The following SLC7A13 variants were observed in gnomAD, a reference collection of about 807,000 sequenced individuals.
SLC7A13 encodes X-amino acid transporter 2.
SLC7A13 carries 31 observed loss-of-function variants against 32.0 expected under a neutral mutation model. The ratio of observed to expected loss-of-function variants is 0.97; its 90% CI spans 0.73 to 1.31. The LOEUF is 1.31. Among genes scored for constraint, SLC7A13 ranks in the 50% most tolerant of loss-of-function variants. The probability of loss-of-function intolerance (pLI) is 0.00; values close to 1 mark genes in which losing one functional copy is unlikely to be tolerated. For synonymous variants in SLC7A13, 232 were observed against 206.9 expected (o/e 1.12, Z -1.04); for missense variants, 633 against 546.9 (o/e 1.16, Z -1.57).
chr8:86,222,686 TGA>T, intron 2 of SLC7A13, among the ~76,000 whole-genome samples: 1 of 152,094 alleles, frequency 6.6e-6, no homozygotes, highest in East Asian at 1.9e-4. Context: ...GTCACTCTAG[TGA>T]GATGAGATCA....
chr8:86,227,898 G>A (rs1012764492), intron 1 of SLC7A13, among the ~76,000 whole-genome samples: 2 of 152,092 alleles, frequency 1.3e-5, no homozygotes, highest in African/African-American at 4.8e-5. Flanking sequence ...AGTACACATG[G>A]ATATACAGAG....
intron 3 of SLC7A13, among the ~76,000 whole-genome samples, chr8:86,217,224 G>T (rs995758214): frequency 6.6e-6 from 1 of 152,002 alleles, no homozygotes. Context: ...ATAATGATCT[G>T]TCCAACCACC....
chr8:86,227,207 A>C (rs1192802851), intron 1 of SLC7A13, among the ~76,000 whole-genome samples: 4 of 152,204 alleles, frequency 2.6e-5, no homozygotes, highest in Admixed American at 6.5e-5. Context: ...GGCTACTCAA[A>C]TGATTTCACA....
chr8:86,214,756 C>T (rs866264494), intron 3 of SLC7A13, 110 bp from the exon 4 acceptor site: 2 of 765,744 alleles, frequency 2.6e-6, no homozygotes, highest in Middle Eastern at 2.4e-4. Flanking sequence ...AGAAAACAGG[C>T]TAAATTAGCT....
At position 86,230,199 on chromosome 8, in the gene SLC7A13, T is replaced by G. The variant is rs766494543; in HGVS notation, c.79A>C (p.Ile27Leu). 7.4e-6 allele frequency: 12 copies of G among 1,613,846 alleles called. No homozygotes were observed. Among genetic ancestry groups the G allele is most frequent in the Non-Finnish European group, 9.3e-6 (11 of 1,179,928 alleles). ...WGTSFLLINI[I>L]GAGIFVSPKG... ...GGGGACACAAAAATTCCTGCACCAA[T>G]GATATTAATAAGCAAAAAACTTGTG... The change falls in exon 1 of 4, where the codon ATT becomes CTT. Residue 27 changes from isoleucine (I) to leucine (L), a missense_variant. Coordinates refer to ENST00000297524, the MANE Select transcript of SLC7A13 (RefSeq NM_138817.3).
chr8:86,215,722 TTC>T (rs1820170694), intron 3 of SLC7A13: 2 of 435,200 alleles, frequency 4.6e-6, no homozygotes, highest in Non-Finnish European at 9.1e-6. Context: ...AAAGAATCTC[TTC>T]TTAGCTTATA....
chr8:86,228,928 A>C (rs1288439919), intron 1 of SLC7A13, among the ~76,000 whole-genome samples: 1 of 151,964 alleles, frequency 6.6e-6, no homozygotes, highest in Non-Finnish European at 1.5e-5. Context: ...TAATCCTCCC[A>C]TTTCAGCCTC....
In SLC7A13 at chr8:86,230,025, T is replaced by TGAGAAAATA. The variant is rs766558033; in HGVS notation, c.244_252dup (p.Tyr82_Leu84dup). 3.1e-6 allele frequency: 5 copies of TGAGAAAATA among 1,614,046 alleles called. No homozygotes were observed. The highest frequency in any genetic ancestry group is 4.2e-6 in the Non-Finnish European group (5 of 1,180,030). On this transcript the variant is annotated inframe_insertion, in exon 1 of 4. Transcript: ENST00000297524. Reference sequence around the variant, plus strand: ...GCAACCGTGGAGCCAAAGTATCTCTTGAGAAAATAGTATTGAGCTCCACTG... The same window carrying TGAGAAAATA: ...GCAACCGTGGAGCCAAAGTATCTCTTGAGAAAATAGAGAAAATAGTATTGAGCTCCACTG...
At chr8:86,224,741 TG>T (rs1393645106) in intron 1 of SLC7A13, among the ~76,000 whole-genome samples, 1 of 152,178 alleles carries the variant, frequency 6.6e-6, no homozygotes, top group Non-Finnish European at 1.5e-5. Flanking sequence ...TCCGATCCAC[TG>T]GAAGCCAATG....
At chr8:86,228,484 C>T (rs901862529) in intron 1 of SLC7A13, among the ~76,000 whole-genome samples, 3 of 152,150 alleles carry the variant, frequency 2.0e-5, no homozygotes, top group African/African-American at 7.2e-5. Context: ...AAGCGATCCT[C>T]CCACCTCAGC....
Position 86,230,358 on chromosome 8 carries a change from G to T in SLC7A13, c.-81C>A. On this transcript the variant is annotated 5_prime_UTR_variant, in exon 1 of 4. Coordinates refer to ENST00000297524, the MANE Select transcript of SLC7A13 (RefSeq NM_138817.3). ...CTATGTAGCTGCAAAGGATGTTGAT[G>T]GATTCCTGAAATAAAATAATTCTGT... is the stretch of plus-strand genomic sequence containing the variant. The T allele has an allele frequency of 1.6e-6, 2 of 1,230,100 alleles. No homozygotes were observed. The highest frequency in any genetic ancestry group is 1.8e-5 in the South Asian group (1 of 56,600). The allele number at this position is 1,230,100 out of a possible 1,614,324, so 76.2% of individuals were successfully genotyped here. A position where few individuals can be genotyped will look rare whatever the true frequency, so the allele number is the denominator to read the frequency against.
chr8:86,230,200 G>T lies in SLC7A13; in HGVS notation c.78C>A (p.Ile26=). ...WWGTSFLLIN[I]IGAGIFVSPK... ...GGGACACAAAAATTCCTGCACCAAT[G>T]ATATTAATAAGCAAAAAACTTGTGC... The change falls in exon 1 of 4, where the codon ATC becomes ATA. Residue 26 remains isoleucine (I), a synonymous_variant. Transcript: ENST00000297524. 1 of 1,613,982 alleles carries T rather than the reference G, an allele frequency of 6.2e-7. No individual in the cohort carries two copies. Among genetic ancestry groups the T allele is most frequent in the Non-Finnish European group, 8.5e-7 (1 of 1,179,990 alleles).
chr8:86,226,424 A>T (rs1416992857), intron 1 of SLC7A13, among the ~76,000 whole-genome samples: 1 of 152,160 alleles, frequency 6.6e-6, no homozygotes, highest in Non-Finnish European at 1.5e-5. Context: ...GACTTCTTAC[A>T]TTATCAATGA....
Position 86,229,738 on chromosome 8 carries a change from C to G in SLC7A13, c.540G>C (p.Val180=). The change falls in exon 1 of 4, where the codon GTG becomes GTC. Residue 180 remains valine, a synonymous_variant. Coordinates refer to ENST00000297524, the MANE Select transcript of SLC7A13 (RefSeq NM_138817.3). ...ILSFISLTGV[V]FLIRGKKENV... ...TCTCCTTTTTCCCTCTTATCAGGAA[C>G]ACTACTCCAGTTAGGGAAATGAAGC... 6.2e-7 allele frequency: 1 copy of G among 1,614,202 alleles called. No homozygotes were observed. The highest frequency in any genetic ancestry group is 8.5e-7 in the Non-Finnish European group (1 of 1,180,030).
chr8:86,222,900 T>G (rs1820323157), intron 2 of SLC7A13, 72 bp downstream of exon 2: 16 of 1,408,258 alleles, frequency 1.1e-5, no homozygotes, highest in Non-Finnish European at 1.5e-5. Context: ...ACAGTGGTTC[T>G]GACTGGTGAA....
In SLC7A13 at chr8:86,214,456, T is replaced by C. The variant is rs565451049; in HGVS notation, c.1370A>G (p.Gln457Arg). The change falls in exon 4 of 4, where the codon CAA becomes CGA. Residue 457 changes from glutamine to arginine, a missense_variant. Physicochemically the swap from Gln to Arg is conservative, Grantham distance 43. Transcript: ENST00000297524. ...AGGGAGGCAAATATTAAATAGTAAT[T>C]GTAAATAGCAAGTCATCTTCTCAAA... ...AWFEKMTCYL[Q>R]LLFNICLPDV... 102 of 1,610,682 alleles carry C rather than the reference T, an allele frequency of 6.3e-5. No individual in the cohort carries two copies. The highest frequency in any genetic ancestry group is 8.4e-5 in the Non-Finnish European group (99 of 1,178,418).
At chr8:86,221,288 T>C (rs1437470127) in intron 2 of SLC7A13, among the ~76,000 whole-genome samples, 1 of 152,062 alleles carries the variant, frequency 6.6e-6, no homozygotes, top group Non-Finnish European at 1.5e-5. Flanking sequence ...TCCCATAAAT[T>C]TTTTATTTGT....
At position 86,230,103 on chromosome 8, in the gene SLC7A13, G is replaced by C; in HGVS notation, c.175C>G (p.Leu59Val). Reference protein sequence around the residue: ...SLCVWAGCAILAMTSTLCSAE... With the variant: ...SLCVWAGCAIVAMTSTLCSAE... ...GAGCAAAGAGTTGATGTCATGGCCAGTATGGCACAGCCAGCCCAAACGCAC... is the reference window on the plus strand; with the variant it reads ...GAGCAAAGAGTTGATGTCATGGCCACTATGGCACAGCCAGCCCAAACGCAC... Residue 59 changes from leucine (L) to valine (V), a missense_variant, in exon 1 of 4, where the codon CTG becomes GTG. Coordinates refer to ENST00000297524, the MANE Select transcript of SLC7A13 (RefSeq NM_138817.3). 6.2e-7 allele frequency: 1 copy of C among 1,614,174 alleles called. No individual in the cohort carries two copies.
Position 86,214,153 on chromosome 8 carries a change from G to A in SLC7A13, c.*260C>T, listed in dbSNP as rs751187049. On this transcript the variant is annotated 3_prime_UTR_variant, in exon 4 of 4. Transcript: ENST00000297524. ...AAAAAAAAGTGAGAGAATGGAAGTTGTATAATCACTCTATCAAGCTACGCA... is the reference window on the plus strand; with the variant it reads ...AAAAAAAAGTGAGAGAATGGAAGTTATATAATCACTCTATCAAGCTACGCA... 98 of 266,708 alleles carry A rather than the reference G, an allele frequency of 3.7e-4. No homozygotes were observed. The highest frequency in any genetic ancestry group is 2.7e-4 in the Non-Finnish European group (39 of 142,284). 16.5% of individuals were successfully genotyped at this position (266,708 alleles called of 1,614,324 possible).
Sources: allele counts gnomAD v4.1 joint callset (sites outside exome capture counted in the v4.1 genomes callset), GRCh38; gene constraint gnomAD v4.1.1; transcripts MANE v1.5; gene names NCBI Gene and HGNC (gene_info 2026-07-23, HGNC 2026-07-21).